The following ATP6V0C variants were observed in gnomAD, a reference collection of about 807,000 sequenced individuals.
ATP6V0C encodes the protein V-type proton ATPase 16 kDa proteolipid subunit c.
Under a neutral mutation model 10.6 loss-of-function variants are expected in ATP6V0C, and 2 were observed. The ratio of observed to expected loss-of-function variants is 0.19; its 90% confidence interval spans 0.08 to 0.59. The LOEUF is 0.59. Ranked by LOEUF, ATP6V0C falls within the 20% of genes least tolerant of loss-of-function variation. ATP6V0C has a pLI of 0.90. For missense variants in ATP6V0C, 89 were observed against 225.9 expected (o/e 0.39, Z 3.88); for synonymous variants, 128 against 101.3 (o/e 1.26, Z -1.59).
intron 1 of ATP6V0C, 86 bp from the exon 2 acceptor site, chr16:2,519,132 T>C: frequency 7.1e-7 from 1 of 1,416,416 alleles, no homozygotes; most frequent in Non-Finnish European, 9.4e-7. Flanking sequence ...GGGTGGCCCT[T>C]GGAGCTGTGC....
chr16:2,518,796 C>T (rs2141892244), intron 1 of ATP6V0C, among the ~76,000 whole-genome samples: 1 of 152,318 alleles, frequency 6.6e-6, no homozygotes, highest in East Asian at 1.9e-4. Flanking sequence ...TCCCCAAGAC[C>T]TTTGGTGGCT....
chr16:2,514,241 A>C, intron 1 of ATP6V0C, 59 bp downstream of exon 1: 1 of 1,472,424 alleles, frequency 6.8e-7, no homozygotes, highest in South Asian at 1.3e-5. Context: ...TCATGCCCGC[A>C]GCTCGCCGGG....
At position 2,520,008 on chromosome 16, in the gene ATP6V0C, A is replaced by G; in HGVS notation, c.*263A>G. 2 of 686,838 alleles carry G rather than the reference A, an allele frequency of 2.9e-6. No homozygotes were observed. Among genetic ancestry groups the G allele is most frequent in the South Asian group, 1.5e-5 (1 of 66,554 alleles). 42.5% of individuals were successfully genotyped at this position (686,838 alleles called of 1,614,324 possible). ...TGCTCTGTGTATGCGGATGATTTAG[A>G]ATTGTCATTTCTCTTTACTGGATGT... On this transcript the variant is annotated 3_prime_UTR_variant, in exon 3 of 3. Coordinates refer to ENST00000330398, the MANE Select transcript of ATP6V0C (RefSeq NM_001694.4).
upstream of ATP6V0C, chr16:2,513,758 C>T (rs928998593): frequency 1.1e-4 from 19 of 171,450 alleles, no homozygotes; most frequent in East Asian, 2.9e-3. Flanking sequence ...GCCGGCGGCG[C>T]CCGGAAACAC....
chr16:2,515,786 C>A (rs532641837), intron 1 of ATP6V0C, among the ~76,000 whole-genome samples: 1 of 152,182 alleles, frequency 6.6e-6, no homozygotes, highest in Admixed American at 6.5e-5. Flanking sequence ...GTGCCAGGTA[C>A]TGGTAGGACA....
chr16:2,513,923 T>G (rs548658177), upstream of ATP6V0C: 9 of 541,110 alleles, frequency 1.7e-5, no homozygotes, highest in African/African-American at 1.4e-4. Context: ...GGGGCCCAGG[T>G]CATGTGACGC....
chr16:2,515,766 C>T (rs543566946), intron 1 of ATP6V0C, among the ~76,000 whole-genome samples: 95 of 152,268 alleles, frequency 6.2e-4, no homozygotes, highest in Non-Finnish European at 5.7e-4. Context: ...CTTGATTGAG[C>T]GCTTACTATG....
Position 2,519,809 on chromosome 16 carries a change from G to T in ATP6V0C, c.*64G>T. The T allele has an allele frequency of 4.5e-6, 7 of 1,572,528 alleles. No individual in the cohort carries two copies. Among genetic ancestry groups the T allele is most frequent in the Non-Finnish European group, 5.2e-6 (6 of 1,148,878 alleles). On this transcript the variant is annotated 3_prime_UTR_variant, in exon 3 of 3. Transcript: ENST00000330398. ...AGACCACCCCTCCTCATTCCAGAAC[G>T]AACAGCCTGACACATACGCACGGGG...
Position 2,514,107 on chromosome 16 carries a change from T to C in ATP6V0C, c.4T>C (p.Ser2Pro). 1 of 1,579,508 alleles carries C rather than the reference T, an allele frequency of 6.3e-7. No homozygotes were observed. The change falls in exon 1 of 3, where the codon TCC becomes CCC. Residue 2 changes from serine to proline, a missense_variant. Transcript: ENST00000330398. M[S>P]ESKSGPEYAS... ...TGCCCCCTCCCCACCCGCAGACATG[T>C]CCGAGTCCAAGAGCGGCCCCGAGTA...
At position 2,520,032 on chromosome 16, in the gene ATP6V0C, GTTTA is replaced by G. The variant is rs752413562; in HGVS notation, c.*293_*296del. The stretch of plus-strand genomic sequence containing the variant: ...GAATTGTCATTTCTCTTTACTGGAT[GTTTA>G]TTTATAAAGATCTGGCCTGTTCCTG... On this transcript the variant is annotated 3_prime_UTR_variant, in exon 3 of 3. Coordinates refer to ENST00000330398, the MANE Select transcript of ATP6V0C (RefSeq NM_001694.4). The G allele has an allele frequency of 9.7e-4, 649 of 666,588 alleles. No individual in the cohort carries two copies. Among genetic ancestry groups the G allele is most frequent in the Admixed American group, 1.6e-3 (79 of 48,874 alleles). The allele number at this position is 666,588 out of a possible 1,614,324, so 41.3% of individuals were successfully genotyped here. A position where few individuals can be genotyped will look rare whatever the true frequency, so the allele number is the denominator to read the frequency against.
In ATP6V0C at chr16:2,519,527, C is replaced by T. The variant is rs773415809; in HGVS notation, c.264-14C>T. On this transcript the variant is annotated splice_polypyrimidine_tract_variant and intron_variant, in intron 2 of 2. Coordinates refer to ENST00000330398, the MANE Select transcript of ATP6V0C (RefSeq NM_001694.4). Reference sequence around the variant, plus strand: ...GGCAGGCTGCTGATGTCAGTCCTCTCTTCTCGCCCCCAGGAGCTTCCTCCA... The same window carrying T: ...GGCAGGCTGCTGATGTCAGTCCTCTTTTCTCGCCCCCAGGAGCTTCCTCCA... 23 of 1,544,094 alleles carry T rather than the reference C, an allele frequency of 1.5e-5. No individual in the cohort carries two copies. Among genetic ancestry groups the T allele is most frequent in the East Asian group, 2.3e-5 (1 of 44,130 alleles).
intron 1 of ATP6V0C, among the ~76,000 whole-genome samples, chr16:2,518,431 C>T (rs1246357867): frequency 1.3e-5 from 2 of 152,228 alleles, no homozygotes; most frequent in African/African-American, 4.8e-5. Flanking sequence ...TGCTTGGAGC[C>T]ACCCCGTGTG....
At position 2,519,880 on chromosome 16, in the gene ATP6V0C, G is replaced by GC. The variant is rs1467750906; in HGVS notation, c.*138dup. On this transcript the variant is annotated 3_prime_UTR_variant, in exon 3 of 3. Transcript: ENST00000330398. Reference sequence around the variant, plus strand: ...TCTTGTACATGCGCAGTGTCCTAGTGCCCATCGTCTGTTTCCCCGGCCTTG... The same window carrying GC: ...TCTTGTACATGCGCAGTGTCCTAGTGCCCCATCGTCTGTTTCCCCGGCCTTG... 8.9e-5 allele frequency: 109 copies of GC among 1,223,152 alleles called. 2 individuals carry two copies. The South Asian group carries it at 1.4e-3, about 15-fold the overall frequency. The allele number at this position is 1,223,152 out of a possible 1,614,324, so 75.8% of individuals were successfully genotyped here. A position where few individuals can be genotyped will look rare whatever the true frequency, so the allele number is the denominator to read the frequency against.
Position 2,519,306 on chromosome 16 carries a change from C to T in ATP6V0C, c.168C>T (p.Ile56=), listed in dbSNP as rs11546346. 6.2e-7 allele frequency: 1 copy of T among 1,614,086 alleles called. No individual in the cohort carries two copies. Among genetic ancestry groups the T allele is most frequent in the African/African-American group, 1.3e-5 (1 of 74,950 alleles). Residue 56 remains isoleucine, a synonymous_variant, in exon 2 of 3, where the codon ATC becomes ATT. Transcript: ENST00000330398. The stretch of plus-strand genomic sequence containing the variant: ...GGCCGGAGCAGATCATGAAGTCCAT[C>T]ATCCCAGTGGTCATGGCTGGCATCA... ...VMRPEQIMKS[I]IPVVMAGIIA...
intron 1 of ATP6V0C, among the ~76,000 whole-genome samples, chr16:2,514,820 C>T (rs1223366160): frequency 6.6e-6 from 1 of 152,196 alleles, no homozygotes; most frequent in African/African-American, 2.4e-5. Context: ...GGGCTGAGGG[C>T]TTGGTTCGGA....
intron 1 of ATP6V0C, 34 bp from the exon 2 acceptor site, chr16:2,519,184 A>C (rs1343436479): frequency 6.3e-7 from 1 of 1,580,642 alleles, no homozygotes; most frequent in East Asian, 2.3e-5. Flanking sequence ...TGGCCTGCGT[A>C]CTGCTGTGGG....
rs1335603433 is a variant in ATP6V0C at position 2,520,069 on chromosome 16, G to A, written c.*324G>A. On this transcript the variant is annotated 3_prime_UTR_variant, in exon 3 of 3. Transcript: ENST00000330398. Reference sequence around the variant, plus strand: ...AGATCTGGCCTGTTCCTGCGTCTGCGGAGCGGCCCTTGTCTCCCAGCTATC... The same window carrying A: ...AGATCTGGCCTGTTCCTGCGTCTGCAGAGCGGCCCTTGTCTCCCAGCTATC... The A allele has an allele frequency of 6.4e-6, 4 of 623,710 alleles. No individual in the cohort carries two copies. Among genetic ancestry groups the A allele is most frequent in the African/African-American group, 1.8e-5 (1 of 55,312 alleles). 38.6% of individuals were successfully genotyped at this position (623,710 alleles called of 1,614,324 possible).
At chr16:2,514,984 G>A (rs1326176130) in intron 1 of ATP6V0C, among the ~76,000 whole-genome samples, 1 of 152,184 alleles carries the variant, frequency 6.6e-6, no homozygotes, top group East Asian at 1.9e-4. Flanking sequence ...GGATCCAGTC[G>A]TTGCCCTCAG....
In ATP6V0C at chr16:2,519,778, A is replaced by T; in HGVS notation, c.*33A>T. 6.3e-7 allele frequency: 1 copy of T among 1,583,208 alleles called. No individual in the cohort carries two copies. The highest frequency in any genetic ancestry group is 1.1e-5 in the South Asian group (1 of 89,516). The stretch of plus-strand genomic sequence containing the variant: ...CCGAGCCCACCAGCCACAGAATATT[A>T]TGTAAAGACCACCCCTCCTCATTCC... On this transcript the variant is annotated 3_prime_UTR_variant, in exon 3 of 3. Coordinates refer to ENST00000330398, the MANE Select transcript of ATP6V0C (RefSeq NM_001694.4).
Sources: allele counts gnomAD v4.1 joint callset (sites outside exome capture counted in the v4.1 genomes callset), GRCh38; gene constraint gnomAD v4.1.1; transcripts MANE v1.5; gene names NCBI Gene and HGNC (gene_info 2026-07-23, HGNC 2026-07-21).